Variants in ZFP1 observed in about 807,000 individuals in gnomAD.
ZFP1 encodes ZFP1 zinc finger protein, also known as zinc finger protein 1 homolog.
Under a neutral mutation model 38.5 loss-of-function variants are expected in ZFP1, and 32 were observed. That is an observed-to-expected ratio of 0.83 (90% CI 0.63 to 1.12). ZFP1 has a LOEUF of 1.12. Ranked by LOEUF, ZFP1 falls within the 50% of genes most tolerant of loss-of-function variation. ZFP1 has a pLI of 0.00. For missense variants in ZFP1, 616 were observed against 480.8 expected, an observed-to-expected ratio of 1.28 and a Z score of -2.63; for synonymous variants, 245 against 168.8, an observed-to-expected ratio of 1.45 and a Z score of -3.50.
At chr16:75,123,455 G>GTACA in the ZFP1 span, among the ~76,000 whole-genome samples, 1 of 87,292 alleles carries the variant, frequency 1.1e-5, no homozygotes, top group Non-Finnish European at 2.1e-5. Flanking sequence ...GTGTGTATAT[G>GTACA]TATATATATA....
intron 2 of ZFP1, 33 bp from the exon 3 acceptor site, chr16:75,166,737 C>A: frequency 1.2e-6 from 2 of 1,613,710 alleles, no homozygotes; most frequent in South Asian, 2.2e-5. Flanking sequence ...ACCAAATGAT[C>A]ATCTTAGGAT....
At chr16:75,141,779 G>A in the ZFP1 span, among the ~76,000 whole-genome samples, 2 of 151,750 alleles carry the variant, frequency 1.3e-5, no homozygotes, top group Non-Finnish European at 2.9e-5. Context: ...GCTGCACCAT[G>A]GTGGCTCAAG....
At chr16:75,139,097 C>T in the ZFP1 span, among the ~76,000 whole-genome samples, 1 of 152,038 alleles carries the variant, frequency 6.6e-6, no homozygotes, top group Admixed American at 6.6e-5. Context: ...GGGCTGGGCG[C>T]GGCAGCTCAC....
At chr16:75,134,176 G>T in the ZFP1 span, among the ~76,000 whole-genome samples, 1 of 152,300 alleles carries the variant, frequency 6.6e-6, no homozygotes, top group South Asian at 2.1e-4. Context: ...TAGCGGTGAT[G>T]GTTGTGCAAT....
At chr16:75,123,077 A>G in the ZFP1 span, among the ~76,000 whole-genome samples, 7 of 152,106 alleles carry the variant, frequency 4.6e-5, no homozygotes, top group Non-Finnish European at 7.4e-5. Flanking sequence ...ATTTGGGCCA[A>G]GTGCAGTGGC....
At chr16:75,119,264 T>C in the ZFP1 span, among the ~76,000 whole-genome samples, 1 of 152,204 alleles carries the variant, frequency 6.6e-6, no homozygotes, top group African/African-American at 2.4e-5. Flanking sequence ...TATCAGTGCT[T>C]GGTACCAGCT....
upstream of ZFP1, among the ~76,000 whole-genome samples, chr16:75,145,945 G>T (rs146269688): frequency 1.3e-5 from 2 of 152,138 alleles, no homozygotes; most frequent in African/African-American, 4.8e-5. Flanking sequence ...TGCTAGAAGA[G>T]CATTAATTGT....
chr16:75,127,798 TAA>T, the ZFP1 span: 1 of 152,250 alleles, frequency 6.6e-6, no homozygotes, highest in Non-Finnish European at 1.5e-5. Flanking sequence ...ACTTTTTGCT[TAA>T]AACATTGCTG....
intron 1 of ZFP1, 142 bp from the exon 2 acceptor site, chr16:75,152,767 C>T (rs772676210): frequency 1.6e-6 from 1 of 632,562 alleles, no homozygotes; most frequent in South Asian, 2.4e-5. Context: ...TCTTTTCTGC[C>T]CCTTCTGAAG....
Position 75,162,596 on chromosome 16 carries a change from G to A in ZFP1, c.16-4174G>A, listed in dbSNP as rs1165425044. The stretch of plus-strand genomic sequence containing the variant: ...ACATAGATATTTTTATGATGGTGAC[G>A]TTTGGGGTATGATTGATCATGTCAC... On this transcript the variant is annotated intron_variant, in intron 2 of 3. Transcript: ENST00000570010. Among the ~76,000 whole-genome samples, 5 of 152,110 alleles carry A rather than the reference G, an allele frequency of 3.3e-5. No homozygotes were observed. In the East Asian group the frequency reaches 9.6e-4, roughly 29 times the overall value.
the ZFP1 span, among the ~76,000 whole-genome samples, chr16:75,134,343 A>C: frequency 6.6e-6 from 1 of 152,140 alleles, no homozygotes; most frequent in Non-Finnish European, 1.5e-5. Context: ...AATTTTGTGA[A>C]ATTTGGCTTC....
rs1028644165 is a variant in ZFP1 at position 75,171,342 on chromosome 16, C to G, written c.*1008C>G. ...AGGAAAAATTATTTTAAATAACTGTCAACTGTTTCATTGCTTTTTAAATTT... is the reference window on the plus strand; with the variant it reads ...AGGAAAAATTATTTTAAATAACTGTGAACTGTTTCATTGCTTTTTAAATTT... On this transcript the variant is annotated 3_prime_UTR_variant, in exon 4 of 4. Coordinates refer to ENST00000570010, the MANE Select transcript of ZFP1 (RefSeq NM_153688.4). The G allele has an allele frequency of 2.0e-5, 3 of 152,168 alleles. No individual in the cohort carries two copies. Among genetic ancestry groups the G allele is most frequent in the Non-Finnish European group, 4.4e-5 (3 of 68,032 alleles). 9.4% of individuals were successfully genotyped at this position (152,168 alleles called of 1,614,324 possible). A position where few individuals can be genotyped will look rare whatever the true frequency, so the allele number is the denominator to read the frequency against.
chr16:75,129,895 G>T, the ZFP1 span, among the ~76,000 whole-genome samples: 1 of 152,290 alleles, frequency 6.6e-6, no homozygotes, highest in Non-Finnish European at 1.5e-5. Flanking sequence ...TATTTAAAAA[G>T]CTTTAGAGTG....
chr16:75,166,877 T>C lies in ZFP1; in HGVS notation c.123T>C (p.Tyr41=), dbSNP rs368944427. The change falls in exon 3 of 4, where the codon TAT becomes TAC. Residue 41 remains tyrosine (Y), a synonymous_variant. Coordinates refer to ENST00000570010, the MANE Select transcript of ZFP1 (RefSeq NM_153688.4). ...ACATGGATGTGATGCTGGAGAATTA[T>C]AGCAACTTACTTTCAGTGGGTAAGG... The part of the protein sequence containing the change: ...ILYMDVMLEN[Y]SNLLSVEVWK... The C allele has an allele frequency of 7.7e-5, 124 of 1,613,886 alleles. 2 individuals carry two copies. In the African/African-American group the frequency reaches 9.2e-4, roughly 12 times the overall value.
intron 3 of ZFP1, among the ~76,000 whole-genome samples, chr16:75,168,235 G>T (rs2038206946): frequency 6.6e-6 from 1 of 152,194 alleles, no homozygotes; most frequent in Non-Finnish European, 1.5e-5. Context: ...TCTCCACAGT[G>T]GCTGAACTAA....
At chr16:75,164,885 A>C (rs2037979716) in intron 2 of ZFP1, among the ~76,000 whole-genome samples, 1 of 151,932 alleles carries the variant, frequency 6.6e-6, no homozygotes, top group Non-Finnish European at 1.5e-5. Flanking sequence ...GACTTACCGC[A>C]ACGTCCACTT....
At chr16:75,148,351 C>G (rs568093863), upstream of ZFP1, 1 of 152,290 alleles carries the variant, frequency 6.6e-6, no homozygotes, top group Admixed American at 6.6e-5. Context: ...TTGGTCGGCT[C>G]ATCAGACCGC....
intron 3 of ZFP1, 116 bp downstream of exon 3, chr16:75,167,012 A>G (rs1332285520): frequency 2.0e-6 from 3 of 1,489,006 alleles, no homozygotes; most frequent in African/African-American, 2.8e-5. Context: ...GTCCTCAGGT[A>G]TTAAACCTGA....
intron 2 of ZFP1, chr16:75,166,554 C>T: frequency 6.1e-6 from 6 of 985,112 alleles, no homozygotes; most frequent in Non-Finnish European, 6.0e-6. Context: ...ATCTGAGACA[C>T]CTATCAAATA....
Sources: allele counts gnomAD v4.1 joint callset (sites outside exome capture counted in the v4.1 genomes callset), GRCh38; gene constraint gnomAD v4.1.1; transcripts MANE v1.5; gene names NCBI Gene and HGNC (gene_info 2026-07-23, HGNC 2026-07-21).